SLC2A13: variants seen among roughly 807,000 people sequenced by gnomAD.
The protein encoded by SLC2A13 is solute carrier family 2 member 13.
SLC2A13 carries 32 observed loss-of-function variants against 64.4 expected under a neutral mutation model. The ratio of observed to expected loss-of-function variants is 0.50; its 90% CI spans 0.37 to 0.67. SLC2A13 has a LOEUF of 0.67. Ranked by LOEUF, SLC2A13 falls within the 30% of genes least tolerant of loss-of-function variation. SLC2A13 has a pLI of 0.00. For missense variants in SLC2A13, 743 were observed against 829.2 expected (o/e 0.90, Z 1.28); for synonymous variants, 338 against 327.1 (o/e 1.03, Z -0.36).
At chr12:40,058,854 C>A (rs1948374513) in intron 1 of SLC2A13, among the ~76,000 whole-genome samples, 1 of 152,200 alleles carries the variant, frequency 6.6e-6, no homozygotes, top group African/African-American at 2.4e-5. Context: ...ACAAACACTT[C>A]ATGAACGAGT....
chr12:39,854,882 G>A (rs990910617), intron 6 of SLC2A13, among the ~76,000 whole-genome samples: 1 of 152,092 alleles, frequency 6.6e-6, no homozygotes, highest in Non-Finnish European at 1.5e-5. Flanking sequence ...CATTTTCATT[G>A]GTCTGAGAAA....
chr12:40,038,728 CT>C (rs1948031082), intron 2 of SLC2A13, among the ~76,000 whole-genome samples: 1 of 87,386 alleles, frequency 1.1e-5, no homozygotes. Flanking sequence ...AAGACCCTGT[CT>C]CAAAAAAAAA....
chr12:39,765,454 T>C (rs529441848), intron 7 of SLC2A13, among the ~76,000 whole-genome samples: 1 of 152,186 alleles, frequency 6.6e-6, no homozygotes, highest in South Asian at 2.1e-4. Flanking sequence ...TTTAGATCCA[T>C]TCTGAAGTTG....
chr12:39,827,629 G>A (rs1428966462), intron 7 of SLC2A13, among the ~76,000 whole-genome samples: 3 of 152,076 alleles, frequency 2.0e-5, no homozygotes, highest in Non-Finnish European at 4.4e-5. Flanking sequence ...GTTATGGGCA[G>A]GAGGAGATTT....
intron 7 of SLC2A13, among the ~76,000 whole-genome samples, chr12:39,808,367 TAATTTCC>T (rs1372923939): frequency 2.0e-5 from 3 of 152,192 alleles, no homozygotes; most frequent in African/African-American, 7.2e-5. Flanking sequence ...AACATCTACG[TAATTTCC>T]AATTTTGTCC....
chr12:40,096,037 C>T (rs1410845100), intron 1 of SLC2A13, among the ~76,000 whole-genome samples: 2 of 151,998 alleles, frequency 1.3e-5, no homozygotes, highest in Non-Finnish European at 2.9e-5. Context: ...CAAGTTCATG[C>T]CATTCTCCTG....
Position 39,764,592 on chromosome 12 carries a change from T to C in SLC2A13, c.1588A>G (p.Thr530Ala). 1.9e-6 allele frequency: 3 copies of C among 1,603,672 alleles called. No individual in the cohort carries two copies. The highest frequency in any genetic ancestry group is 8.5e-7 in the Non-Finnish European group (1 of 1,177,158). ...FAPGMGPMPW[T>A]VNSEIYPLWA... is the part of the protein sequence containing the mutation. ...AGGGGATATATTTCAGAATTCACAG[T>C]CCAAGGCATTGGTCCCATTCCTGAG... Residue 530 changes from threonine (T) to alanine (A), a missense_variant, in exon 9 of 10, where the codon ACT (threonine) becomes GCT (alanine). Thr to Ala is a moderately conservative substitution (Grantham distance 58). Around this residue, in one of 2 missense-constraint regions of SLC2A13, gnomAD observed 295 missense variants for 381.7 expected, o/e 0.77. Coordinates refer to ENST00000280871, the MANE Select transcript of SLC2A13 (RefSeq NM_052885.4).
At chr12:40,078,452 T>C (rs1938265781) in intron 1 of SLC2A13, among the ~76,000 whole-genome samples, 1 of 152,234 alleles carries the variant, frequency 6.6e-6, no homozygotes, top group African/African-American at 2.4e-5. Flanking sequence ...TAGATTTCCA[T>C]ATGTTGAATC....
chr12:39,804,155 G>C (rs1197148637), intron 7 of SLC2A13, among the ~76,000 whole-genome samples: 2 of 152,084 alleles, frequency 1.3e-5, no homozygotes, highest in Admixed American at 1.3e-4. Context: ...TTATTTAGGA[G>C]ACAAACCCAC....
At chr12:40,098,835 G>A (rs1939050226) in intron 1 of SLC2A13, among the ~76,000 whole-genome samples, 1 of 152,242 alleles carries the variant, frequency 6.6e-6, no homozygotes, top group African/African-American at 2.4e-5. Context: ...CAAGTCTTAA[G>A]TACTACGTCC....
chr12:39,915,777 CA>C (rs1265789069), intron 4 of SLC2A13, among the ~76,000 whole-genome samples: 1 of 151,552 alleles, frequency 6.6e-6, no homozygotes, highest in Non-Finnish European at 1.5e-5. Flanking sequence ...TGAGTAGTGC[CA>C]AATTTCACAA....
chr12:40,064,531 C>A (rs946103028), intron 1 of SLC2A13, among the ~76,000 whole-genome samples: 1 of 151,330 alleles, frequency 6.6e-6, no homozygotes, highest in Non-Finnish European at 1.5e-5. Context: ...CAAGGAAATT[C>A]TTTTTAAAAT....
intron 7 of SLC2A13, among the ~76,000 whole-genome samples, chr12:39,772,345 T>C (rs1328297308): frequency 1.3e-5 from 2 of 152,086 alleles, no homozygotes; most frequent in Admixed American, 6.5e-5. Context: ...TTAAACAAGG[T>C]GATAACTGCT....
intron 7 of SLC2A13, among the ~76,000 whole-genome samples, chr12:39,793,667 C>G (rs989386058): frequency 6.6e-6 from 1 of 152,122 alleles, no homozygotes; most frequent in African/African-American, 2.4e-5. Flanking sequence ...GTAGATGGAG[C>G]TGGGACCTCT....
chr12:40,067,004 T>C (rs1937752784), intron 1 of SLC2A13, among the ~76,000 whole-genome samples: 1 of 152,156 alleles, frequency 6.6e-6, no homozygotes, highest in South Asian at 2.1e-4. Context: ...ACAGAACATG[T>C]TTGAATTTCA....
chr12:40,048,486 A>C (rs1394002066), intron 1 of SLC2A13, among the ~76,000 whole-genome samples: 1 of 152,168 alleles, frequency 6.6e-6, no homozygotes, highest in East Asian at 1.9e-4. Flanking sequence ...AGTGCATATA[A>C]GTATGCTTTA....
intron 7 of SLC2A13, among the ~76,000 whole-genome samples, chr12:39,818,327 G>A (rs63289462): frequency 1.1e-4 from 2 of 17,728 alleles, no homozygotes; most frequent in African/African-American, 1.1e-3. Context: ...ATACTGATCG[G>A]TACCTTCTTA....
chr12:39,787,472 G>A lies in SLC2A13; in HGVS notation c.1446-22614C>T, dbSNP rs1042947821. ...CTAAAGCAGAGAGAAATCCTTTATC[G>A]GGATTTCTAGGAGATTATTTTTTTC... On this transcript the variant is annotated intron_variant, in intron 7 of 9. Coordinates refer to ENST00000280871, the MANE Select transcript of SLC2A13 (RefSeq NM_052885.4). 6.6e-5 allele frequency among the ~76,000 whole-genome samples: 10 copies of A among 152,180 alleles called. No individual in the cohort carries two copies. In the East Asian group the frequency reaches 1.7e-3, roughly 26 times the overall value.
intron 3 of SLC2A13, among the ~76,000 whole-genome samples, chr12:40,005,717 C>A (rs1947402844): frequency 6.6e-6 from 1 of 152,150 alleles, no homozygotes. Context: ...TAATTAGGAA[C>A]CACTGCTCTA....
Sources: allele counts gnomAD v4.1 joint callset (sites outside exome capture counted in the v4.1 genomes callset), GRCh38; gene constraint gnomAD v4.1.1; regional missense constraint gnomAD v4.1.1; transcripts MANE v1.5; gene names NCBI Gene and HGNC (gene_info 2026-07-23, HGNC 2026-07-21).